The following PTN variants were observed in gnomAD, a reference collection of about 807,000 sequenced individuals.
The protein encoded by PTN is pleiotrophin.
PTN carries 18 observed loss-of-function variants against 24.1 expected under a neutral mutation model. The ratio of observed to expected loss-of-function variants is 0.75; its 90% CI spans 0.52 to 1.11. The LOEUF (loss-of-function observed/expected upper bound fraction) is 1.11. Among genes scored for constraint, PTN ranks in the 50% least tolerant of loss-of-function variants. PTN has a pLI of 0.00. For synonymous variants in PTN, 78 were observed against 68.6 expected (o/e 1.14, Z -0.67); for missense variants, 163 against 198.8 (o/e 0.82, Z 1.08).
chr7:137,264,297 G>C (rs1809098647), intron 1 of PTN, among the ~76,000 whole-genome samples: 4 of 152,210 alleles, frequency 2.6e-5, no homozygotes, highest in Admixed American at 2.0e-4. Context: ...TAATAGGACT[G>C]TAGCAATCTT....
intron 1 of PTN, among the ~76,000 whole-genome samples, chr7:137,312,052 G>C (rs1809991141): frequency 6.6e-6 from 1 of 152,220 alleles, no homozygotes; most frequent in East Asian, 1.9e-4. Context: ...AAAGTTGATG[G>C]ACTTGGTTTT....
intron 4 of PTN, among the ~76,000 whole-genome samples, chr7:137,246,161 G>A (rs374236674): frequency 1.8e-4 from 28 of 152,202 alleles, no homozygotes; most frequent in East Asian, 1.7e-3. Flanking sequence ...CACGGTAAGT[G>A]CCCTACAGAG....
Position 137,246,847 on chromosome 7 carries a change from T to C in PTN, c.451+4383A>G, listed in dbSNP as rs1808731828. Among the ~76,000 whole-genome samples, 9 of 152,248 alleles carry C rather than the reference T, an allele frequency of 5.9e-5. No homozygotes were observed. In the South Asian group the frequency reaches 1.9e-3, roughly 32 times the overall value. ...AGTGGGTCTTTTGTATCAGTCTGAC[T>C]TTAAATTTGAATCTGGTTGCACTGC... On this transcript the variant is annotated intron_variant, in intron 4 of 4. Transcript: ENST00000348225.
rs1363915812 is a variant in PTN, at chr7:137,227,682, T to G, written c.*338A>C. On this transcript the variant is annotated 3_prime_UTR_variant, in exon 5 of 5. Transcript: ENST00000348225. ...TACCTAACAAGAGAAGTAGTTTACATAGTCATAACATTTAAATTGCTGCCC... is the reference window on the plus strand; with the variant it reads ...TACCTAACAAGAGAAGTAGTTTACAGAGTCATAACATTTAAATTGCTGCCC... The G allele has an allele frequency of 5.6e-6, 1 of 180,176 alleles. No individual in the cohort carries two copies. Among genetic ancestry groups the G allele is most frequent in the Non-Finnish European group, 1.2e-5 (1 of 86,924 alleles). The allele number at this position is 180,176 out of a possible 1,614,324, so 11.2% of individuals were successfully genotyped here.
intron 1 of PTN, among the ~76,000 whole-genome samples, chr7:137,314,543 T>C (rs980359082): frequency 2.0e-5 from 3 of 151,544 alleles, no homozygotes; most frequent in African/African-American, 7.3e-5. Context: ...GTATACATTA[T>C]GCCTATTTTT....
chr7:137,264,982 T>C (rs1019848964), intron 1 of PTN, among the ~76,000 whole-genome samples: 1 of 151,864 alleles, frequency 6.6e-6, no homozygotes, highest in Non-Finnish European at 1.5e-5. Flanking sequence ...ATTTTTTTTT[T>C]TTTTTTTTTG....
chr7:137,296,887 A>G (rs1190678286), intron 1 of PTN, among the ~76,000 whole-genome samples: 8 of 152,054 alleles, frequency 5.3e-5, no homozygotes, highest in East Asian at 3.9e-4. Context: ...AAGAAGTCCT[A>G]TGTAGATGTA....
At chr7:137,258,448 T>C (rs1300396665) in intron 1 of PTN, among the ~76,000 whole-genome samples, 1 of 152,144 alleles carries the variant, frequency 6.6e-6, no homozygotes, top group Non-Finnish European at 1.5e-5. Context: ...AACAACAGCT[T>C]TGAATTGAAG....
At chr7:137,246,129 T>G (rs540513428) in intron 4 of PTN, among the ~76,000 whole-genome samples, 1 of 152,298 alleles carries the variant, frequency 6.6e-6, no homozygotes, top group African/African-American at 2.4e-5. Context: ...CCAGAGCAAC[T>G]TCCAGTCCTG....
rs75073876 is a variant in PTN, at chr7:137,286,494, G to T, written c.-1-31520C>A. On this transcript the variant is annotated intron_variant, in intron 1 of 4. Transcript: ENST00000348225. ...CCTCAATTATCATAATATCCAGAGG[G>T]GTAGAATAAGAACATCATATCCAAC... Among the ~76,000 whole-genome samples, 911 of 152,148 alleles carry T rather than the reference G, an allele frequency of 6.0e-3. 1 individual carries two copies. The highest frequency in any genetic ancestry group is 9.0e-3 in the Non-Finnish European group (615 of 67,996).
At chr7:137,253,319 C>T (rs1244239867) in intron 3 of PTN, 145 bp downstream of exon 3, 3 of 814,498 alleles carry the variant, frequency 3.7e-6, no homozygotes, top group Non-Finnish European at 5.3e-6. Context: ...ATTGCCTGGC[C>T]TGAAATGGGA....
At chr7:137,258,953 T>C (rs757706214) in intron 1 of PTN, among the ~76,000 whole-genome samples, 1 of 152,122 alleles carries the variant, frequency 6.6e-6, no homozygotes, top group Non-Finnish European at 1.5e-5. Flanking sequence ...CCTTACTAAA[T>C]TGACTCCATT....
chr7:137,288,936 A>T (rs1330190292), intron 1 of PTN, among the ~76,000 whole-genome samples: 1 of 152,196 alleles, frequency 6.6e-6, no homozygotes, highest in Non-Finnish European at 1.5e-5. Flanking sequence ...ACTGAATAAT[A>T]ATATAAACCT....
At position 137,284,160 on chromosome 7, in the gene PTN, G is replaced by A. The variant is rs1216670923; in HGVS notation, c.-1-29186C>T. Among the ~76,000 whole-genome samples the A allele has an allele frequency of 2.6e-5, 4 of 151,406 alleles. No homozygotes were observed. The East Asian group carries it at 7.8e-4, about 30-fold the overall frequency. On this transcript the variant is annotated intron_variant, in intron 1 of 4. Coordinates refer to ENST00000348225, the MANE Select transcript of PTN (RefSeq NM_002825.7). ...TTTTTTGTATTTTTTAGTAGAGACA[G>A]GGTTTCACCGTGGTCTCGATCTCCC...
chr7:137,317,952 T>C lies in PTN; in HGVS notation c.-2+25487A>G, dbSNP rs527491296. ...CTGAAAGAAAATTTTCTAGACAAGATAGACTTGACCCTTTCTTTACAAGAG... is the reference window on the plus strand; with the variant it reads ...CTGAAAGAAAATTTTCTAGACAAGACAGACTTGACCCTTTCTTTACAAGAG... On this transcript the variant is annotated intron_variant, in intron 1 of 4. Transcript: ENST00000348225. Among the ~76,000 whole-genome samples, 26 of 152,212 alleles carry C rather than the reference T, an allele frequency of 1.7e-4. 2 individuals carry two copies. In the South Asian group the frequency reaches 4.8e-3, roughly 28 times the overall value.
chr7:137,248,893 A>T (rs1394316803), intron 4 of PTN, among the ~76,000 whole-genome samples: 2 of 152,212 alleles, frequency 1.3e-5, no homozygotes, highest in Admixed American at 1.3e-4. Flanking sequence ...AATTAATTAT[A>T]TCAATTAATT....
chr7:137,282,936 A>C (rs1401491519), intron 1 of PTN, among the ~76,000 whole-genome samples: 2 of 152,188 alleles, frequency 1.3e-5, no homozygotes, highest in Non-Finnish European at 2.9e-5. Flanking sequence ...TAGCATAGGT[A>C]CCAAAGTGAA....
chr7:137,312,864 C>T (rs984662609), intron 1 of PTN, among the ~76,000 whole-genome samples: 1 of 152,130 alleles, frequency 6.6e-6, no homozygotes, highest in African/African-American at 2.4e-5. Context: ...TAATTTACTA[C>T]TCTTTACCTG....
chr7:137,335,444 T>C (rs1195158246), intron 1 of PTN, among the ~76,000 whole-genome samples: 1 of 152,176 alleles, frequency 6.6e-6, no homozygotes, highest in Non-Finnish European at 1.5e-5. Context: ...TAAATATTAT[T>C]TGGTCACAAA....
Sources: gnomAD v4.1 joint callset for allele counts (sites outside exome capture counted in the v4.1 genomes callset) on GRCh38, gnomAD v4.1.1 for gene constraint, MANE v1.5 for transcripts, NCBI Gene and HGNC (gene_info 2026-07-23, HGNC 2026-07-21) for gene names.